The following ELMO1 variants were observed in gnomAD, a reference collection of about 807,000 sequenced individuals.
ELMO1 encodes engulfment and cell motility 1, also known as engulfment and cell motility protein 1.
Under a neutral mutation model 98.9 loss-of-function variants are expected in ELMO1, and 26 were observed. The ratio of observed to expected loss-of-function variants is 0.26; its 90% CI spans 0.19 to 0.36. The LOEUF is 0.36. Among genes scored for constraint, ELMO1 ranks in the 10% least tolerant of loss-of-function variants. The pLI is 1.00. For synonymous variants in ELMO1, 346 were observed against 346.0 expected, an observed-to-expected ratio of 1.00 and a Z score of 0.00; for missense variants, 627 against 935.2, an observed-to-expected ratio of 0.67 and a Z score of 4.30.
intron 1 of ELMO1, among the ~76,000 whole-genome samples, chr7:37,365,163 G>A (rs1801854366): frequency 6.6e-6 from 1 of 152,194 alleles, no homozygotes; most frequent in African/African-American, 2.4e-5. Flanking sequence ...TCCACTTTGT[G>A]TTTTAAATTC....
chr7:37,234,805 G>A (rs563091261), intron 7 of ELMO1, among the ~76,000 whole-genome samples: 2 of 152,340 alleles, frequency 1.3e-5, no homozygotes, highest in African/African-American at 4.8e-5. Flanking sequence ...TAGCGTGTGA[G>A]TGTTACTACA....
chr7:37,360,660 G>A (rs1170140723), intron 1 of ELMO1, among the ~76,000 whole-genome samples: 3 of 152,166 alleles, frequency 2.0e-5, no homozygotes, highest in African/African-American at 7.2e-5. Flanking sequence ...ACATTTCAAA[G>A]ATTTCAACCC....
chr7:37,282,233 C>T (rs1470262680), intron 4 of ELMO1, among the ~76,000 whole-genome samples: 2 of 152,208 alleles, frequency 1.3e-5, no homozygotes, highest in East Asian at 1.9e-4. Context: ...CGATCCTCTG[C>T]GTTCAGGCCC....
intron 13 of ELMO1, among the ~76,000 whole-genome samples, chr7:37,172,822 A>T (rs1790259865): frequency 6.6e-6 from 1 of 152,224 alleles, no homozygotes; most frequent in Non-Finnish European, 1.5e-5. Context: ...TACGGGTATA[A>T]GTACTGCATG....
chr7:37,380,184 C>T (rs528427928), intron 1 of ELMO1, among the ~76,000 whole-genome samples: 2 of 152,308 alleles, frequency 1.3e-5, no homozygotes, highest in Non-Finnish European at 2.9e-5. Context: ...CTCTTCCTGG[C>T]TTGCAAACCC....
At chr7:37,344,855 T>C (rs975536750) in intron 1 of ELMO1, among the ~76,000 whole-genome samples, 1 of 152,234 alleles carries the variant, frequency 6.6e-6, no homozygotes, top group Non-Finnish European at 1.5e-5. Flanking sequence ...CCTTTTCTAT[T>C]GGGTTCTCTT....
At chr7:37,282,529 G>A (rs963516241) in intron 4 of ELMO1, among the ~76,000 whole-genome samples, 1 of 152,184 alleles carries the variant, frequency 6.6e-6, no homozygotes, top group Non-Finnish European at 1.5e-5. Flanking sequence ...TGGTTGCTAA[G>A]TTACACAGCA....
At chr7:37,363,584 C>T (rs1801783310) in intron 1 of ELMO1, among the ~76,000 whole-genome samples, 1 of 152,130 alleles carries the variant, frequency 6.6e-6, no homozygotes, top group South Asian at 2.1e-4. Flanking sequence ...ATGCCAAGCT[C>T]CTACGATGAA....
In ELMO1 at chr7:37,342,696, GTCCCCAA is replaced by G; in HGVS notation, c.-13_-7del. The G allele has an allele frequency of 6.2e-7, 1 of 1,609,256 alleles. No homozygotes were observed. The highest frequency in any genetic ancestry group is 8.5e-7 in the Non-Finnish European group (1 of 1,178,128). On this transcript the variant is annotated 5_prime_UTR_variant, in exon 2 of 22. Coordinates refer to ENST00000310758, the MANE Select transcript of ELMO1 (RefSeq NM_014800.11). This position sits in a 1 kb window ranked among gnomAD's most constrained non-coding sequence, Gnocchi z 4.3. Reference sequence around the variant, plus strand: ...ATGTCCGCGGGTGGCGGCATTGTAAGTCCCCAAAATGTTCAAAGCCAGTGGGAATGAG... The same window carrying G: ...ATGTCCGCGGGTGGCGGCATTGTAAGAATGTTCAAAGCCAGTGGGAATGAG...
At chr7:36,865,738 A>G (rs571816091) in intron 20 of ELMO1, among the ~76,000 whole-genome samples, 157 of 152,310 alleles carry the variant, frequency 1.0e-3, no homozygotes, top group Non-Finnish European at 1.7e-3. Flanking sequence ...TTTGGCATAG[A>G]CATATTGAAT....
chr7:37,064,013 T>C (rs1398677436), intron 15 of ELMO1, among the ~76,000 whole-genome samples: 2 of 152,092 alleles, frequency 1.3e-5, no homozygotes, highest in East Asian at 3.9e-4. Context: ...GTCTGCCGTA[T>C]CCACTTGTCA....
In ELMO1 at chr7:36,870,028, G is replaced by A. The variant is rs1346090380; in HGVS notation, c.1905+365C>T. Among the ~76,000 whole-genome samples the A allele has an allele frequency of 1.3e-5, 2 of 152,226 alleles. No individual in the cohort carries two copies. The highest frequency in any genetic ancestry group is 2.9e-5 in the Non-Finnish European group (2 of 68,038). Reference sequence around the variant, plus strand: ...GACAATGAAAGATATTGGGGTGGAAGTTGGAGAAGGGAGAAATAAACATAA... The same window carrying A: ...GACAATGAAAGATATTGGGGTGGAAATTGGAGAAGGGAGAAATAAACATAA... On this transcript the variant is annotated intron_variant, in intron 20 of 21. Coordinates refer to ENST00000310758, the MANE Select transcript of ELMO1 (RefSeq NM_014800.11). This position sits in a 1 kb window ranked among gnomAD's most constrained non-coding sequence, Gnocchi z 4.4.
intron 1 of ELMO1, among the ~76,000 whole-genome samples, chr7:37,376,215 T>C (rs1317781432): frequency 6.6e-6 from 1 of 152,164 alleles, no homozygotes; most frequent in Non-Finnish European, 1.5e-5. Context: ...TTTTTAAACA[T>C]TTTTCTAAAT....
chr7:37,368,066 C>T (rs1280545649), intron 1 of ELMO1, among the ~76,000 whole-genome samples: 1 of 152,142 alleles, frequency 6.6e-6, no homozygotes, highest in Non-Finnish European at 1.5e-5. Flanking sequence ...AAGTCTATAG[C>T]AATCATCATG....
chr7:37,104,010 CAAAAAAAA>C (rs35979251), intron 14 of ELMO1, among the ~76,000 whole-genome samples: 460 of 28,926 alleles, frequency 0.016, no homozygotes, highest in Middle Eastern at 0.071. Context: ...GACTCCATCT[CAAAAAAAA>C]AAAAAAAAAA....
chr7:37,074,080 GTATAAA>G (rs1279326736), intron 15 of ELMO1, among the ~76,000 whole-genome samples: 1 of 147,402 alleles, frequency 6.8e-6, no homozygotes, highest in Non-Finnish European at 1.5e-5. Flanking sequence ...TAAATATATA[GTATAAA>G]TATATAGTAT....
chr7:36,859,596 G>A (rs73689654), intron 21 of ELMO1, among the ~76,000 whole-genome samples: 40 of 152,248 alleles, frequency 2.6e-4, no homozygotes, highest in African/African-American at 8.9e-4. Flanking sequence ...AAGACTGCCA[G>A]TGTTTAAATT....
chr7:37,059,618 A>G (rs986622867), intron 15 of ELMO1, among the ~76,000 whole-genome samples: 9 of 152,220 alleles, frequency 5.9e-5, no homozygotes, highest in African/African-American at 1.9e-4. Context: ...AAGGAGATTC[A>G]GACTTTAATG....
At chr7:37,221,733 G>A (rs192476869) in intron 10 of ELMO1, among the ~76,000 whole-genome samples, 9 of 148,172 alleles carry the variant, frequency 6.1e-5, no homozygotes, top group East Asian at 5.9e-4. Flanking sequence ...TTGCTCTGTC[G>A]CCCAAGCTGG....
Sources: allele counts gnomAD v4.1 joint callset (sites outside exome capture counted in the v4.1 genomes callset), GRCh38; gene constraint gnomAD v4.1.1; non-coding constraint Gnocchi (gnomAD v3.1); transcripts MANE v1.5; gene names NCBI Gene and HGNC (gene_info 2026-07-23, HGNC 2026-07-21).